The following SND1 variants were observed in gnomAD, a reference collection of about 807,000 sequenced individuals.
SND1 encodes the protein staphylococcal nuclease domain-containing protein 1.
Under a neutral mutation model 121.7 loss-of-function variants are expected in SND1, and 38 were observed. That is an observed-to-expected ratio of 0.31 (90% CI 0.24 to 0.41). SND1 has a LOEUF of 0.41. Among genes scored for constraint, SND1 ranks in the 10% least tolerant of loss-of-function variants. The pLI is 1.00. For missense variants in SND1, 868 were observed against 1,184.6 expected, an observed-to-expected ratio of 0.73 and a Z score of 3.92; for synonymous variants, 401 against 447.4, an observed-to-expected ratio of 0.90 and a Z score of 1.31.
intron 15 of SND1, among the ~76,000 whole-genome samples, chr7:127,967,282 A>G (rs1362723247): frequency 6.6e-6 from 1 of 152,174 alleles, no homozygotes; most frequent in East Asian, 1.9e-4. Flanking sequence ...ATTTATTGAC[A>G]TGGAATCCAG....
chr7:127,837,344 A>G (rs1401379665), intron 11 of SND1, among the ~76,000 whole-genome samples: 2 of 152,268 alleles, frequency 1.3e-5, no homozygotes, highest in Non-Finnish European at 2.9e-5. Context: ...CAACACTTTT[A>G]TAATATTTGT....
chr7:128,074,409 C>G, intron 16 of SND1, 93 bp from the exon 17 acceptor site: 6 of 1,344,552 alleles, frequency 4.5e-6, no homozygotes, highest in Non-Finnish European at 6.0e-6. Flanking sequence ...GCCTGTGAGC[C>G]CAAGGCTTCG....
At chr7:127,957,085 A>G (rs549487297) in intron 15 of SND1, among the ~76,000 whole-genome samples, 1 of 152,362 alleles carries the variant, frequency 6.6e-6, no homozygotes, top group East Asian at 1.9e-4. Flanking sequence ...TTCTGTGGCC[A>G]GTAGAACAGC....
chr7:127,726,574 C>T (rs146184039), intron 10 of SND1, among the ~76,000 whole-genome samples: 81 of 152,312 alleles, frequency 5.3e-4, no homozygotes, highest in Non-Finnish European at 1.0e-3. Flanking sequence ...ACACATTTTG[C>T]GATCTCAGGA....
Position 127,745,357 on chromosome 7 carries a change from G to A in SND1, c.1152+23957G>A, listed in dbSNP as rs540931303. On this transcript the variant is annotated intron_variant, in intron 10 of 23. Coordinates refer to ENST00000354725, the MANE Select transcript of SND1 (RefSeq NM_014390.4). ...GTACAGTAAATTTTATGGGACCACC[G>A]TTGTATAAGTGGTTCATTATTGACT... 7.2e-5 allele frequency among the ~76,000 whole-genome samples: 11 copies of A among 152,306 alleles called. 1 individual carries two copies. In the East Asian group the frequency reaches 1.2e-3, roughly 16 times the overall value.
chr7:128,023,393 A>G (rs1042925608), intron 16 of SND1, among the ~76,000 whole-genome samples: 2 of 152,168 alleles, frequency 1.3e-5, no homozygotes, highest in African/African-American at 4.8e-5. Context: ...CCAGAGAAAC[A>G]TGGGTAGGGG....
intron 15 of SND1, among the ~76,000 whole-genome samples, chr7:127,939,091 AAG>A (rs1200904218): frequency 6.6e-6 from 1 of 152,224 alleles, no homozygotes; most frequent in Non-Finnish European, 1.5e-5. Flanking sequence ...ATAAAACAAT[AAG>A]AGTAAATATG....
intron 13 of SND1, among the ~76,000 whole-genome samples, chr7:127,900,763 A>T (rs994250755): frequency 6.6e-6 from 1 of 152,128 alleles, no homozygotes; most frequent in African/African-American, 2.4e-5. Context: ...ATGTGTGTGG[A>T]TATATACTTT....
At chr7:127,814,863 C>T (rs186085556) in intron 11 of SND1, among the ~76,000 whole-genome samples, 3 of 152,162 alleles carry the variant, frequency 2.0e-5, no homozygotes, top group African/African-American at 7.2e-5. Context: ...TGAAATTTGT[C>T]GACTTTTTAT....
At chr7:127,838,480 A>G (rs1037692240) in intron 11 of SND1, among the ~76,000 whole-genome samples, 4 of 152,240 alleles carry the variant, frequency 2.6e-5, no homozygotes, top group Admixed American at 2.6e-4. Context: ...TAGTAAGGCA[A>G]GAAGTATCCT....
intron 14 of SND1, among the ~76,000 whole-genome samples, chr7:127,907,338 A>G (rs550606557): frequency 6.6e-6 from 1 of 152,290 alleles, no homozygotes; most frequent in East Asian, 1.9e-4. Flanking sequence ...GCATGCTGGC[A>G]ATTTTGCTGT....
chr7:127,718,905 G>A (rs1796440244), intron 9 of SND1: 1 of 270,166 alleles, frequency 3.7e-6, no homozygotes, highest in South Asian at 1.4e-4. Context: ...TTTGGTTTGA[G>A]AGAAGGTGTA....
chr7:128,071,321 C>T (rs1793405064), intron 16 of SND1, among the ~76,000 whole-genome samples: 1 of 152,182 alleles, frequency 6.6e-6, no homozygotes, highest in South Asian at 2.1e-4. Flanking sequence ...ACCAGAGGCT[C>T]ACAGGAACCC....
At chr7:128,059,190 G>A (rs979561640) in intron 16 of SND1, among the ~76,000 whole-genome samples, 1 of 152,044 alleles carries the variant, frequency 6.6e-6, no homozygotes, top group Non-Finnish European at 1.5e-5. Flanking sequence ...TTTAAGGTCC[G>A]ATCCTACCTG....
At chr7:127,909,497 G>A (rs1584659166) in intron 14 of SND1, among the ~76,000 whole-genome samples, 1 of 150,980 alleles carries the variant, frequency 6.6e-6, no homozygotes, top group Non-Finnish European at 1.5e-5. Context: ...TATCACCAAG[G>A]CTGGACTGAA....
chr7:127,677,197 CTTTTA>C (rs1201813350), intron 1 of SND1, among the ~76,000 whole-genome samples: 1 of 152,128 alleles, frequency 6.6e-6, no homozygotes. Flanking sequence ...GTGCTAAGTG[CTTTTA>C]TTTTGTTTAG....
intron 10 of SND1, among the ~76,000 whole-genome samples, chr7:127,785,697 T>C (rs891150706): frequency 2.6e-5 from 4 of 152,246 alleles, no homozygotes; most frequent in African/African-American, 7.2e-5. Flanking sequence ...CTCATAGTTA[T>C]TCATTGTATA....
intron 11 of SND1, among the ~76,000 whole-genome samples, chr7:127,814,881 TGATA>T (rs1321058471): frequency 6.6e-6 from 1 of 152,164 alleles, no homozygotes; most frequent in East Asian, 1.9e-4. Context: ...TATAGTTGGG[TGATA>T]GAAGTGATAT....
intron 14 of SND1, among the ~76,000 whole-genome samples, chr7:127,915,702 C>T (rs116255281): frequency 1.8e-3 from 275 of 152,238 alleles, no homozygotes; most frequent in African/African-American, 6.5e-3. Context: ...ACAGCTTATT[C>T]TAAGTGGTCT....
Sources: allele counts gnomAD v4.1 joint callset (sites outside exome capture counted in the v4.1 genomes callset), GRCh38; gene constraint gnomAD v4.1.1; transcripts MANE v1.5; gene names NCBI Gene and HGNC (gene_info 2026-07-23, HGNC 2026-07-21).